Variants in STAP2 observed in about 807,000 individuals in gnomAD.
STAP2 encodes the protein signal transducing adaptor family member 2, also known as signal-transducing adaptor protein 2.
Under a neutral mutation model 52.7 loss-of-function variants are expected in STAP2, and 58 were observed. The ratio of observed to expected loss-of-function variants is 1.10; its 90% confidence interval spans 0.89 to 1.37. The LOEUF is 1.37. Ranked by LOEUF, STAP2 falls within the 40% of genes most tolerant of loss-of-function variation. The pLI, the probability that STAP2 is intolerant of heterozygous loss-of-function variation, is 0.00. For synonymous variants in STAP2, 231 were observed against 210.5 expected (o/e 1.10, Z -0.84); for missense variants, 522 against 519.4 (o/e 1.00, Z -0.05).
intron 8 of STAP2, 32 bp from the exon 9 acceptor site, chr19:4,327,039 C>CGGCGGCCAGG: frequency 6.3e-7 from 1 of 1,590,106 alleles, no homozygotes; most frequent in Non-Finnish European, 8.6e-7. Context: ...GGAGGAAGCG[C>CGGCGGCCAGG]GGCGGCCAGG....
At position 4,328,629 on chromosome 19, in the gene STAP2, TTCCCACCCTCC is replaced by T. The variant is rs1225295985; in HGVS notation, c.590+35_590+45del. The T allele has an allele frequency of 5.6e-6, 8 of 1,422,210 alleles. No homozygotes were observed. In the East Asian group the frequency reaches 1.1e-4, roughly 20 times the overall value. 88.1% of individuals were successfully genotyped at this position (1,422,210 alleles called of 1,614,324 possible). On this transcript the variant is annotated intron_variant, in intron 6 of 12. Coordinates refer to ENST00000594605, the MANE Select transcript of STAP2 (RefSeq NM_001013841.2). ...TGACCACGCCCCCGCGCCCACCCTC[TTCCCACCCTCC>T]TCCCACCCAGGGCTCTCCAGACGCG... is the stretch of plus-strand genomic sequence containing the variant.
intron 3 of STAP2, 131 bp downstream of exon 3, chr19:4,333,563 C>A (rs114111129): frequency 3.8e-5 from 49 of 1,284,298 alleles, no homozygotes; most frequent in East Asian, 8.1e-5. Flanking sequence ...GGGGTCAAGA[C>A]CCAAGTCTTA....
At chr19:4,327,666 A>G (rs932354280) in intron 6 of STAP2, among the ~76,000 whole-genome samples, 1 of 150,838 alleles carries the variant, frequency 6.6e-6, no homozygotes, top group African/African-American at 2.4e-5. Context: ...TCTTGGCACC[A>G]CCTCCAGCGA....
intron 1 of STAP2, among the ~76,000 whole-genome samples, chr19:4,335,293 G>A (rs1462836497): frequency 3.4e-5 from 5 of 146,782 alleles, no homozygotes; most frequent in Admixed American, 6.8e-5. Context: ...ACCCACCCAC[G>A]CATCTTCCCG....
intron 9 of STAP2, 65 bp from the exon 10 acceptor site, chr19:4,325,610 G>A: frequency 6.6e-7 from 1 of 1,510,028 alleles, no homozygotes; most frequent in Non-Finnish European, 8.8e-7. Flanking sequence ...AGGTTGGCGG[G>A]GGGGTCTGTG....
chr19:4,327,265 G>C (rs376996833), intron 7 of STAP2, 39 bp from the exon 8 acceptor site: 5 of 1,613,716 alleles, frequency 3.1e-6, no homozygotes, highest in Non-Finnish European at 4.2e-6. Context: ...TGCTGGAGAA[G>C]GGACGCGGAC....
In STAP2 at chr19:4,328,823, C is replaced by A; in HGVS notation, c.456-14G>T. Reference sequence around the variant, plus strand: ...TTCAGGAAGCACCTGTGGCGGGCCGCGTCACCCACTCGGGACCCCGGAGAC... The same window carrying A: ...TTCAGGAAGCACCTGTGGCGGGCCGAGTCACCCACTCGGGACCCCGGAGAC... On this transcript the variant is annotated splice_polypyrimidine_tract_variant and intron_variant, in intron 5 of 12. Transcript: ENST00000594605. 1 of 1,605,642 alleles carries A rather than the reference C, an allele frequency of 6.2e-7. No homozygotes were observed. Among genetic ancestry groups the A allele is most frequent in the Non-Finnish European group, 8.5e-7 (1 of 1,176,838 alleles).
At chr19:4,326,535 G>C (rs1442360377) in intron 9 of STAP2, among the ~76,000 whole-genome samples, 1 of 151,986 alleles carries the variant, frequency 6.6e-6, no homozygotes, top group African/African-American at 2.4e-5. Flanking sequence ...CTCGGTCCCT[G>C]TGGGGCTACT....
chr19:4,329,800 G>C (rs947408330), intron 5 of STAP2, among the ~76,000 whole-genome samples, 161 bp downstream of exon 5: 10 of 151,486 alleles, frequency 6.6e-5, no homozygotes, highest in African/African-American at 2.2e-4. Context: ...CCCAGCATGG[G>C]CCATAACTCC....
intron 4 of STAP2, among the ~76,000 whole-genome samples, chr19:4,330,551 A>G (rs1971872947): frequency 6.6e-6 from 1 of 151,398 alleles, no homozygotes; most frequent in Non-Finnish European, 1.5e-5. Flanking sequence ...AAAAAAAAAA[A>G]AAAAAGTAGA....
intron 6 of STAP2, among the ~76,000 whole-genome samples, 175 bp from the exon 7 acceptor site, chr19:4,327,560 G>T (rs1312421638): frequency 6.6e-6 from 1 of 150,458 alleles, no homozygotes; most frequent in African/African-American, 2.5e-5. Context: ...CCTAAGCCCC[G>T]TTGACCTCCC....
At chr19:4,330,647 A>G (rs909939168) in intron 4 of STAP2, among the ~76,000 whole-genome samples, 1 of 151,646 alleles carries the variant, frequency 6.6e-6, no homozygotes, top group Non-Finnish European at 1.5e-5. Flanking sequence ...GGTAGGAAAC[A>G]GGGAAATCAG....
At chr19:4,324,693 G>T (rs60181022) in intron 11 of STAP2, 164 bp from the exon 12 acceptor site, 3 of 613,268 alleles carry the variant, frequency 4.9e-6, no homozygotes, top group African/African-American at 3.7e-5. Context: ...TTAGATGGAC[G>T]TGGTGGCAGG....
intron 5 of STAP2, 122 bp downstream of exon 5, chr19:4,329,839 A>G (rs560640905): frequency 2.0e-3 from 329 of 166,334 alleles, no homozygotes; most frequent in Non-Finnish European, 3.3e-3. Flanking sequence ...CCCAGCCCCA[A>G]GGCAGTCCTC....
intron 5 of STAP2, 102 bp downstream of exon 5, chr19:4,329,859 C>T: frequency 2.6e-6 from 1 of 384,316 alleles, no homozygotes; most frequent in Non-Finnish European, 4.9e-6. Flanking sequence ...CATGCAAAAT[C>T]CAAGACCCAA....
chr19:4,327,435 C>G, intron 6 of STAP2, 50 bp from the exon 7 acceptor site: 1 of 1,603,234 alleles, frequency 6.2e-7, no homozygotes, highest in Non-Finnish European at 8.5e-7. Flanking sequence ...TCCCACACCG[C>G]CCCTCAGGGA....
intron 4 of STAP2, among the ~76,000 whole-genome samples, 188 bp from the exon 5 acceptor site, chr19:4,330,249 G>A (rs1304962179): frequency 1.3e-5 from 2 of 152,102 alleles, no homozygotes; most frequent in Non-Finnish European, 2.9e-5. Flanking sequence ...GGCCGGGCGC[G>A]GTGGCTCACG....
chr19:4,324,847 C>T (rs1971759030), intron 11 of STAP2: 1 of 390,234 alleles, frequency 2.6e-6, no homozygotes, highest in Non-Finnish European at 4.7e-6. Flanking sequence ...ACAATAAAGA[C>T]AGATGAGCTG....
chr19:4,330,778 G>A (rs1022021399), intron 4 of STAP2, among the ~76,000 whole-genome samples: 1 of 145,528 alleles, frequency 6.9e-6, no homozygotes, highest in Non-Finnish European at 1.5e-5. Flanking sequence ...GCAGTGGCGC[G>A]ATCTTGGCTC....
Sources: allele counts gnomAD v4.1 joint callset (sites outside exome capture counted in the v4.1 genomes callset), GRCh38; gene constraint gnomAD v4.1.1; transcripts MANE v1.5; gene names NCBI Gene and HGNC (gene_info 2026-07-23, HGNC 2026-07-21).